The following UBE2F variants were observed in gnomAD, a reference collection of about 807,000 sequenced individuals.
The protein encoded by UBE2F is ubiquitin conjugating enzyme E2 F (putative).
UBE2F carries 5 observed loss-of-function variants against 29.6 expected under a neutral mutation model. The observed-to-expected ratio is 0.17, with a 90% CI of 0.09 to 0.36. The LOEUF is 0.36. Ranked by LOEUF, UBE2F falls within the 10% of genes least tolerant of loss-of-function variation. UBE2F has a pLI of 1.00. For missense variants in UBE2F, 141 were observed against 228.5 expected (o/e 0.62, Z 2.47); for synonymous variants, 66 against 81.8 (o/e 0.81, Z 1.04).
At chr2:238,035,156 T>C (rs1009176720) in intron 8 of UBE2F, 3 of 152,514 alleles carry the variant, frequency 2.0e-5, no homozygotes, top group Non-Finnish European at 4.4e-5. Flanking sequence ...CCTCTCAAAG[T>C]GCTGGGATTA....
intron 4 of UBE2F, among the ~76,000 whole-genome samples, chr2:238,000,219 G>C (rs1576611297): frequency 6.6e-6 from 1 of 151,846 alleles, no homozygotes; most frequent in Admixed American, 6.6e-5. Flanking sequence ...CATTTTTCTT[G>C]ATCATGTTAG....
chr2:238,008,826 A>G (rs1410749186), intron 4 of UBE2F, among the ~76,000 whole-genome samples: 1 of 152,224 alleles, frequency 6.6e-6, no homozygotes, highest in African/African-American at 2.4e-5. Flanking sequence ...AACCCAGAAT[A>G]TATTATCTGT....
chr2:238,041,267 C>T (rs563417133), intron 9 of UBE2F, 21 bp from the exon 10 acceptor site: 29 of 1,612,444 alleles, frequency 1.8e-5, no homozygotes, highest in East Asian at 4.5e-5. Context: ...TCTTTCTGTC[C>T]CCAATGCTGT....
At chr2:237,973,530 G>C (rs1167195597) in intron 2 of UBE2F, 7 of 560,102 alleles carry the variant, frequency 1.2e-5, no homozygotes, top group Non-Finnish European at 2.1e-5. Context: ...GCCTAAGACT[G>C]GTTTCAGAGC....
intron 5 of UBE2F, among the ~76,000 whole-genome samples, chr2:238,023,592 A>C (rs2064343895): frequency 6.6e-6 from 1 of 152,242 alleles, no homozygotes; most frequent in South Asian, 2.1e-4. Flanking sequence ...TAAAAATTTG[A>C]TTACAAAAAT....
At chr2:238,017,605 G>T (rs1012170360) in intron 5 of UBE2F, among the ~76,000 whole-genome samples, 6 of 152,186 alleles carry the variant, frequency 3.9e-5, no homozygotes, top group Admixed American at 2.6e-4. Flanking sequence ...GTGTGGCTGC[G>T]CTTCAGGGAC....
chr2:238,022,897 C>T (rs1422163365), intron 5 of UBE2F, among the ~76,000 whole-genome samples: 1 of 152,170 alleles, frequency 6.6e-6, no homozygotes, highest in African/African-American at 2.4e-5. Context: ...TGTCAGAAGC[C>T]AGGTGCAGAG....
intron 2 of UBE2F, among the ~76,000 whole-genome samples, chr2:237,974,160 AT>A (rs375237774): frequency 0.1 from 14,045 of 137,466 alleles, 960 homozygotes; most frequent in African/African-American, 0.21. Flanking sequence ...CGCCCAGCTC[AT>A]TTTTTTTTTT....
At chr2:237,977,738 A>G (rs770294453) in intron 2 of UBE2F, among the ~76,000 whole-genome samples, 4 of 152,056 alleles carry the variant, frequency 2.6e-5, no homozygotes, top group Non-Finnish European at 4.4e-5. Flanking sequence ...GTGAAATCCA[A>G]ACTCCCTTTT....
At chr2:237,972,076 G>T (rs2063187293) in intron 1 of UBE2F, among the ~76,000 whole-genome samples, 1 of 152,182 alleles carries the variant, frequency 6.6e-6, no homozygotes, top group Admixed American at 6.5e-5. Context: ...CAACACAGAT[G>T]GGGTGGAAGC....
At chr2:237,975,163 G>A (rs1487092989) in intron 2 of UBE2F, among the ~76,000 whole-genome samples, 2 of 151,648 alleles carry the variant, frequency 1.3e-5, no homozygotes, top group African/African-American at 4.9e-5. Flanking sequence ...GTGCAGTGGC[G>A]TAATCATGGC....
chr2:237,969,116 A>G (rs1401129028), intron 1 of UBE2F, among the ~76,000 whole-genome samples: 1 of 152,196 alleles, frequency 6.6e-6, no homozygotes, highest in Non-Finnish European at 1.5e-5. Flanking sequence ...ATTTTTTATT[A>G]CTTTCTATGG....
chr2:238,033,054 T>C (rs946564605), intron 8 of UBE2F, among the ~76,000 whole-genome samples: 11 of 152,228 alleles, frequency 7.2e-5, no homozygotes, highest in African/African-American at 2.7e-4. Flanking sequence ...AGTCCACTTC[T>C]GTGCCTGTGG....
At chr2:237,969,542 A>C (rs7564440) in intron 1 of UBE2F, among the ~76,000 whole-genome samples, 9,109 of 152,262 alleles carry the variant, frequency 0.06, 790 homozygotes, top group East Asian at 0.2. Flanking sequence ...GAGACCTGGT[A>C]GTCCTTGTGT....
chr2:238,037,378 A>G (rs821513), intron 9 of UBE2F, among the ~76,000 whole-genome samples: 127,131 of 152,306 alleles, frequency 0.83, 53,164 homozygotes, highest in East Asian at 0.97. Flanking sequence ...GAGGAGGGGA[A>G]GTGCTGTCAG....
intron 3 of UBE2F, among the ~76,000 whole-genome samples, chr2:237,994,103 CTTCTTCTTT>C (rs1333497544): frequency 6.6e-5 from 8 of 122,000 alleles, no homozygotes; most frequent in African/African-American, 2.5e-4. Context: ...TCTTCTTCTT[CTTCTTCTTT>C]TTTTTTTTTT....
Position 238,031,103 on chromosome 2 carries a change from A to G in UBE2F, c.411+490A>G, listed in dbSNP as rs560240996. ...TTTGGCCCTGGCCCTGCATAAGGGAACACTGCAGACTGCATGCAGTCCTGA... is the reference window on the plus strand; with the variant it reads ...TTTGGCCCTGGCCCTGCATAAGGGAGCACTGCAGACTGCATGCAGTCCTGA... On this transcript the variant is annotated intron_variant, in intron 7 of 9. Coordinates refer to ENST00000272930, the MANE Select transcript of UBE2F (RefSeq NM_080678.3). Among the ~76,000 whole-genome samples the G allele has an allele frequency of 2.4e-3, 373 of 152,356 alleles. 1 individual carries two copies. Among genetic ancestry groups the G allele is most frequent in the African/African-American group, 8.8e-3 (365 of 41,586 alleles).
chr2:237,981,165 T>C (rs532114966), intron 2 of UBE2F, among the ~76,000 whole-genome samples: 1 of 152,266 alleles, frequency 6.6e-6, no homozygotes, highest in Admixed American at 6.5e-5. Flanking sequence ...ACCTTGTAGG[T>C]GGGTGGCGTT....
chr2:238,041,803 C>A lies in UBE2F; in HGVS notation c.*465C>A, dbSNP rs979416684. ...ATGCAAAATCTCTTAGCTTCTTTCA[C>A]GAATGTTGGCCCTGCCTAGATGTTG... On this transcript the variant is annotated 3_prime_UTR_variant, in exon 10 of 10. Coordinates refer to ENST00000272930, the MANE Select transcript of UBE2F (RefSeq NM_080678.3). 1 of 155,050 alleles carries A rather than the reference C, an allele frequency of 6.4e-6. No homozygotes were observed. The highest frequency in any genetic ancestry group is 2.4e-5 in the African/African-American group (1 of 41,526). The allele number at this position is 155,050 out of a possible 1,614,324, so 9.6% of individuals were successfully genotyped here. A position where few individuals can be genotyped will look rare whatever the true frequency, so the allele number is the denominator to read the frequency against.
Sources: allele counts gnomAD v4.1 joint callset (sites outside exome capture counted in the v4.1 genomes callset), GRCh38; gene constraint gnomAD v4.1.1; transcripts MANE v1.5; gene names NCBI Gene and HGNC (gene_info 2026-07-23, HGNC 2026-07-21).